Variants in WIPF1 observed in about 807,000 individuals in gnomAD.
WIPF1 encodes the protein WAS/WASL interacting protein family member 1, also known as WAS/WASL-interacting protein family member 1.
A neutral mutation model predicts 35.4 loss-of-function variants in WIPF1; 13 were observed. That is an observed-to-expected ratio of 0.37 (90% CI 0.24 to 0.58). The LOEUF is 0.58. Among genes scored for constraint, WIPF1 ranks in the 20% least tolerant of loss-of-function variants. The pLI is 0.74. For synonymous variants in WIPF1, 267 were observed against 266.3 expected, an observed-to-expected ratio of 1.00 and a Z score of -0.02; for missense variants, 591 against 667.0, an observed-to-expected ratio of 0.89 and a Z score of 1.25.
At chr2:174,637,984 T>G (rs1040563194) in intron 1 of WIPF1, among the ~76,000 whole-genome samples, 1 of 152,244 alleles carries the variant, frequency 6.6e-6, no homozygotes, top group Non-Finnish European at 1.5e-5. Flanking sequence ...TTATACCTTA[T>G]AGTTGATAGT....
At chr2:174,661,448 G>C (rs1687758154) in intron 1 of WIPF1, among the ~76,000 whole-genome samples, 1 of 151,856 alleles carries the variant, frequency 6.6e-6, no homozygotes, top group Non-Finnish European at 1.5e-5. Context: ...ACTCTCCTCA[G>C]GGCCTTTGCA....
At chr2:174,679,430 T>C (rs1688205639) in intron 1 of WIPF1, among the ~76,000 whole-genome samples, 1 of 150,716 alleles carries the variant, frequency 6.6e-6, no homozygotes, top group South Asian at 2.1e-4. Flanking sequence ...ATCATGCCAT[T>C]GCACTCCAGC....
chr2:174,585,929 T>C (rs1291874346), intron 1 of WIPF1, among the ~76,000 whole-genome samples: 2 of 152,190 alleles, frequency 1.3e-5, no homozygotes, highest in Non-Finnish European at 2.9e-5. Flanking sequence ...ACTGCTAGGA[T>C]GTATCCTGGC....
intron 1 of WIPF1, among the ~76,000 whole-genome samples, chr2:174,591,275 G>T (rs529000110): frequency 1.2e-4 from 19 of 152,258 alleles, no homozygotes; most frequent in Non-Finnish European, 2.2e-4. Context: ...ATCTACCCAG[G>T]CTGTGGTATT....
chr2:174,576,342 A>C (rs2105818844), intron 3 of WIPF1, among the ~76,000 whole-genome samples: 1 of 152,118 alleles, frequency 6.6e-6, no homozygotes, highest in South Asian at 2.1e-4. Flanking sequence ...CAAATTCACT[A>C]AGCAGTATTA....
chr2:174,646,712 G>C (rs1414876913), intron 1 of WIPF1, among the ~76,000 whole-genome samples: 1 of 152,016 alleles, frequency 6.6e-6, no homozygotes, highest in African/African-American at 2.4e-5. Flanking sequence ...CACCTCCCAG[G>C]CTCAAGCAAT....
At chr2:174,663,988 A>T (rs1429342367) in intron 1 of WIPF1, among the ~76,000 whole-genome samples, 1 of 152,236 alleles carries the variant, frequency 6.6e-6, no homozygotes, top group Admixed American at 6.5e-5. Context: ...AAGGTCACAC[A>T]TACAGCGACA....
chr2:174,635,653 G>A lies in WIPF1; in HGVS notation c.-39+47121C>T, dbSNP rs114697932. ...GTCAAATGATCTCCTGGACCAAGGG[G>A]AATATTCCACAATTTATAAGACTTG... On this transcript the variant is annotated intron_variant, in intron 1 of 8. Transcript: ENST00000272746. Among the ~76,000 whole-genome samples, 234 of 151,732 alleles carry A rather than the reference G, an allele frequency of 1.5e-3. 2 individuals are homozygous for A. The highest frequency in any genetic ancestry group is 5.4e-3 in the African/African-American group (224 of 41,312).
intron 1 of WIPF1, among the ~76,000 whole-genome samples, chr2:174,588,609 C>T (rs1299308594): frequency 6.6e-6 from 1 of 152,116 alleles, no homozygotes; most frequent in Non-Finnish European, 1.5e-5. Flanking sequence ...GATGACAGCT[C>T]CAGGGAGGGC....
chr2:174,562,272 T>A lies in WIPF1; in HGVS notation c.*275A>T, dbSNP rs41270197. ...TGGTGGAAAGCTGGGATGCAAGTCA[T>A]CTCTGCCTATTACGACAAAAGCCTA... is the stretch of plus-strand genomic sequence containing the variant. On this transcript the variant is annotated 3_prime_UTR_variant, in exon 8 of 8. Coordinates refer to ENST00000679041, the MANE Select transcript of WIPF1 (RefSeq NM_001375834.1). 0.02 allele frequency: 30,023 copies of A among 1,532,652 alleles called. 357 individuals are homozygous for A. The highest frequency in any genetic ancestry group is 0.023 in the Non-Finnish European group (26,243 of 1,136,554). 94.9% of individuals were successfully genotyped at this position (1,532,652 alleles called of 1,614,324 possible). A position where few individuals can be genotyped will look rare whatever the true frequency, so the allele number is the denominator to read the frequency against.
chr2:174,581,237 A>G, intron 3 of WIPF1, 73 bp downstream of exon 3: 3 of 1,531,872 alleles, frequency 2.0e-6, no homozygotes, highest in Non-Finnish European at 1.8e-6. Flanking sequence ...ATAAAAATTG[A>G]GTGGTGAGGG....
In WIPF1 at chr2:174,571,522, G is replaced by T; in HGVS notation, c.1129+154C>A. On this transcript the variant is annotated intron_variant, in intron 5 of 7. Transcript: ENST00000679041. This position sits in a 1 kb window ranked among gnomAD's most constrained non-coding sequence, Gnocchi z 4.6. ...CCACTTTCCCCCGGGGTTTACACGA[G>T]GTCACGATCACACGTGTCGTGTGCC... The T allele has an allele frequency of 7.7e-6, 8 of 1,033,490 alleles. No individual in the cohort carries two copies. The highest frequency in any genetic ancestry group is 1.2e-5 in the Non-Finnish European group (8 of 659,046). The allele number at this position is 1,033,490 out of a possible 1,614,324, so 64.0% of individuals were successfully genotyped here.
At chr2:174,666,027 TCCTAGCA>T (rs1687884058) in intron 1 of WIPF1, among the ~76,000 whole-genome samples, 1 of 152,192 alleles carries the variant, frequency 6.6e-6, no homozygotes, top group Admixed American at 6.5e-5. Context: ...ATGCCTGTAA[TCCTAGCA>T]CTTTGGGAGG....
intron 1 of WIPF1, among the ~76,000 whole-genome samples, chr2:174,648,510 G>C (rs1378381596): frequency 6.6e-6 from 1 of 152,160 alleles, no homozygotes; most frequent in Non-Finnish European, 1.5e-5. Flanking sequence ...TGGAGCATTA[G>C]TAACACTGAT....
rs530950981 is a variant in WIPF1 at position 174,679,902 on chromosome 2, G to A, written c.-39+2872C>T. Among the ~76,000 whole-genome samples the A allele has an allele frequency of 8.4e-4, 128 of 152,362 alleles. 1 individual carries two copies. The Middle Eastern group carries it at 0.017, about 20-fold the overall frequency. ...TGAGGAAGTATTCATCTGTCAAAGG[G>A]AGGTGAAGCCTAAACTGTTCCTCAA... On this transcript the variant is annotated intron_variant, in intron 1 of 8. Transcript: ENST00000272746.
intron 1 of WIPF1, among the ~76,000 whole-genome samples, chr2:174,613,867 C>CA (rs915597598): frequency 2.6e-5 from 4 of 151,146 alleles, no homozygotes; most frequent in African/African-American, 9.8e-5. Context: ...AAATTTTAAA[C>CA]AAAAAAGAAT....
intron 1 of WIPF1, among the ~76,000 whole-genome samples, chr2:174,675,294 T>C (rs1385274969): frequency 2.6e-5 from 4 of 152,246 alleles, no homozygotes; most frequent in Admixed American, 2.6e-4. Context: ...GTCTTCTTTA[T>C]AGCAAGTACA....
chr2:174,619,797 C>T (rs979926051), intron 1 of WIPF1, among the ~76,000 whole-genome samples: 8 of 151,990 alleles, frequency 5.3e-5, no homozygotes, highest in African/African-American at 1.9e-4. Context: ...AAAAAATTAG[C>T]CAGGTGTAGT....
intron 1 of WIPF1, among the ~76,000 whole-genome samples, chr2:174,612,518 C>T: frequency 6.6e-6 from 1 of 151,966 alleles, no homozygotes; most frequent in South Asian, 2.1e-4. Flanking sequence ...GTTTTGTAAT[C>T]ATTTTATAGT....
Sources: allele counts gnomAD v4.1 joint callset (sites outside exome capture counted in the v4.1 genomes callset), GRCh38; gene constraint gnomAD v4.1.1; non-coding constraint Gnocchi (gnomAD v3.1); transcripts MANE v1.5; gene names NCBI Gene and HGNC (gene_info 2026-07-23, HGNC 2026-07-21).